Variants in MASP1 observed in about 807,000 individuals in gnomAD.
MASP1 encodes the protein mannan-binding lectin serine protease 1.
In MASP1, 59 loss-of-function variants were observed where a neutral mutation model predicts 77.1. That is an observed-to-expected ratio of 0.77 (90% CI 0.62 to 0.95). MASP1 has a LOEUF of 0.95. Ranked by LOEUF, MASP1 falls within the 40% of genes least tolerant of loss-of-function variation. MASP1 has a pLI of 0.00. For synonymous variants in MASP1, 362 were observed against 354.5 expected (o/e 1.02, Z -0.24); for missense variants, 885 against 912.9 (o/e 0.97, Z 0.39).
chr3:187,247,429 G>A (rs1714189940), intron 8 of MASP1: 2 of 1,610,418 alleles, frequency 1.2e-6, no homozygotes, highest in East Asian at 2.2e-5. Context: ...GAGATACAGA[G>A]GAAGGAAGCA....
At chr3:187,246,730 C>T in intron 8 of MASP1, 4 of 982,808 alleles carry the variant, frequency 4.1e-6, no homozygotes, top group Non-Finnish European at 4.8e-6. Flanking sequence ...TTGTAAGCCC[C>T]AGAAGACAGA....
At chr3:187,226,418 T>C (rs770501733) in exon 12 of MASP1, 3 of 1,608,930 alleles carry the variant, frequency 1.9e-6, no homozygotes, top group Non-Finnish European at 2.5e-6. Flanking sequence ...CAGGATGATT[T>C]TGAAGTCAGA....
intron 4 of MASP1, 124 bp downstream of exon 4, chr3:187,260,617 A>T: frequency 1.5e-6 from 2 of 1,314,810 alleles, no homozygotes; most frequent in South Asian, 2.4e-5. Flanking sequence ...GTGGTGTCTG[A>T]GGTGCATCAT....
intron 2 of MASP1, among the ~76,000 whole-genome samples, chr3:187,268,970 C>A (rs558718992): frequency 6.6e-6 from 1 of 151,128 alleles, no homozygotes; most frequent in Non-Finnish European, 1.5e-5. Flanking sequence ...GAGGCTGAGG[C>A]AGAGGAATTG....
In MASP1 at chr3:187,256,760, G is replaced by T; in HGVS notation, c.648C>A (p.Ile216=). Residue 216 remains isoleucine, a synonymous_variant, in exon 5 of 11, where the codon ATC becomes ATA. Coordinates refer to ENST00000296280, the MANE Select transcript of MASP1 (RefSeq NM_139125.4). The stretch of plus-strand genomic sequence containing the variant: ...TGACCATGAAACCCTCCTCCAGCTC[G>T]ATGGTATACAGGCATTCAGAGCTCT... ...YPKSSECLYT[I]ELEEGFMVNL... is the part of the protein sequence containing the mutation. 2 of 1,613,956 alleles carry T rather than the reference G, an allele frequency of 1.2e-6. No homozygotes were observed. Among genetic ancestry groups the T allele is most frequent in the East Asian group, 4.5e-5 (2 of 44,862 alleles).
Position 187,236,009 on chromosome 3 carries a change from T to C in MASP1, c.1862A>G (p.Lys621Arg). The change falls in exon 11 of 11, where the codon AAG becomes AGG. Residue 621 changes from lysine (K) to arginine (R), a missense_variant. Coordinates refer to ENST00000296280, the MANE Select transcript of MASP1 (RefSeq NM_139125.4). ...CTCAGCGTGAGGCACCACGGGTAAC[T>C]TGACATACTGCAGGACATCTGACAA... Reference protein sequence around the residue: ...RTLSDVLQYVKLPVVPHAECK... With the variant: ...RTLSDVLQYVRLPVVPHAECK... 1.2e-6 allele frequency: 2 copies of C among 1,614,218 alleles called. No individual in the cohort carries two copies. The highest frequency in any genetic ancestry group is 1.7e-6 in the Non-Finnish European group (2 of 1,180,042).
At chr3:187,230,884 T>C (rs553321443), downstream of MASP1, among the ~76,000 whole-genome samples, 7 of 152,342 alleles carry the variant, frequency 4.6e-5, no homozygotes, top group Admixed American at 3.3e-4. Flanking sequence ...CATAAACTTT[T>C]AATTATGTGG....
At chr3:187,268,107 G>A (rs1192556679) in intron 2 of MASP1, among the ~76,000 whole-genome samples, 1 of 152,152 alleles carries the variant, frequency 6.6e-6, no homozygotes, top group African/African-American at 2.4e-5. Flanking sequence ...ACTGCTATAG[G>A]AGTCTAAAAC....
At chr3:187,291,318 G>T (rs1420846463) in intron 1 of MASP1, 6 of 492,492 alleles carry the variant, frequency 1.2e-5, no homozygotes, top group African/African-American at 9.8e-5. Context: ...TGGGTGAACA[G>T]GAGGAGAGTC....
intron 2 of MASP1, among the ~76,000 whole-genome samples, chr3:187,283,812 A>G (rs1717622134): frequency 6.6e-6 from 1 of 152,190 alleles, no homozygotes; most frequent in African/African-American, 2.4e-5. Context: ...TCCAACCAAA[A>G]TACTAAAGAA....
At chr3:187,225,251 C>T in intron 13 of MASP1, 1 of 1,549,132 alleles carries the variant, frequency 6.5e-7, no homozygotes, top group Non-Finnish European at 8.9e-7. Flanking sequence ...GGCACCAGAG[C>T]TTCACCAACG....
At position 187,285,902 on chromosome 3, in the gene MASP1, C is replaced by T. The variant is rs1717808609; in HGVS notation, c.160G>A (p.Asp54Asn). 6 of 1,614,190 alleles carry T rather than the reference C, an allele frequency of 3.7e-6. No individual in the cohort carries two copies. Among genetic ancestry groups the T allele is most frequent in the Non-Finnish European group, 5.1e-6 (6 of 1,180,024 alleles). Residue 54 changes from aspartate (D) to asparagine (N), a missense_variant, in exon 2 of 11, where the codon GAT becomes AAT. Physicochemically the swap from Asp to Asn is conservative, Grantham distance 23 (BLOSUM62 1). Coordinates refer to ENST00000296280, the MANE Select transcript of MASP1 (RefSeq NM_139125.4). ...AAGTAAAGCTTGATCCGAAACCCAT[C>T]TGGGACAGTGATATTCCAAGTCACC... ...SEVTWNITVP[D>N]GFRIKLYFMH...
At chr3:187,236,758 C>T (rs2108514905) in intron 10 of MASP1, among the ~76,000 whole-genome samples, 191 bp from the exon 11 acceptor site, 2 of 152,310 alleles carry the variant, frequency 1.3e-5, no homozygotes, top group Middle Eastern at 6.8e-3. Flanking sequence ...TCTCTCTAGG[C>T]TGGCCCATCT....
At chr3:187,246,943 C>T in intron 8 of MASP1, 9 of 1,087,206 alleles carry the variant, frequency 8.3e-6, no homozygotes, top group Non-Finnish European at 7.8e-6. Flanking sequence ...TTAAACTTGA[C>T]ATGTAGAATG....
chr3:187,241,962 T>G, intron 9 of MASP1: 1 of 232,514 alleles, frequency 4.3e-6, no homozygotes, highest in Non-Finnish European at 8.6e-6. Context: ...ATGGTGTCTG[T>G]CCAAAGCTCT....
chr3:187,220,927 C>T (rs1352941603), intron 15 of MASP1: 3 of 849,036 alleles, frequency 3.5e-6, no homozygotes, highest in African/African-American at 3.3e-5. Flanking sequence ...TCCCCCGCGC[C>T]CCCACACTGC....
At chr3:187,268,172 C>T (rs1716200311) in intron 2 of MASP1, among the ~76,000 whole-genome samples, 1 of 152,154 alleles carries the variant, frequency 6.6e-6, no homozygotes, top group Admixed American at 6.5e-5. Flanking sequence ...TCTGCGGCAA[C>T]TTAGAAGGTA....
At chr3:187,287,191 TG>T (rs1227251300) in intron 1 of MASP1, among the ~76,000 whole-genome samples, 3 of 152,226 alleles carry the variant, frequency 2.0e-5, no homozygotes, top group African/African-American at 4.8e-5. Context: ...CGTCTGCTCC[TG>T]GGATGGCTGT....
chr3:187,273,123 T>A (rs753530151), intron 2 of MASP1, among the ~76,000 whole-genome samples: 11 of 152,144 alleles, frequency 7.2e-5, no homozygotes, highest in Non-Finnish European at 1.5e-4. Context: ...TTCATGCATT[T>A]GGAGAACATT....
Sources: allele counts gnomAD v4.1 joint callset (sites outside exome capture counted in the v4.1 genomes callset), GRCh38; gene constraint gnomAD v4.1.1; transcripts MANE v1.5; gene names NCBI Gene and HGNC (gene_info 2026-07-23, HGNC 2026-07-21).